Variants in BICDL2 observed in about 807,000 individuals in gnomAD.
BICDL2 encodes the protein BICD family like cargo adaptor 2.
A neutral mutation model predicts 56.6 loss-of-function variants in BICDL2; 62 were observed. The observed-to-expected ratio is 1.10, with a 90% CI of 0.89 to 1.35. The LOEUF (loss-of-function observed/expected upper bound fraction) is 1.35, where lower values mean the gene tolerates loss of function less well. Among genes scored for constraint, BICDL2 ranks in the 40% most tolerant of loss-of-function variants. The pLI is 0.00. For missense variants in BICDL2, 808 were observed against 684.5 expected, an observed-to-expected ratio of 1.18 and a Z score of -2.01; for synonymous variants, 358 against 319.8, an observed-to-expected ratio of 1.12 and a Z score of -1.27.
In BICDL2 at chr16:3,028,803, ACTGCAGCTCTGCCTG is replaced by A. The variant is rs2151139399; in HGVS notation, c.1120_1134del (p.Gln374_Gln378del). The A allele has an allele frequency of 1.3e-6, 2 of 1,554,668 alleles. No individual in the cohort carries two copies. The highest frequency in any genetic ancestry group is 4.8e-5 in the East Asian group (2 of 41,430). On this transcript the variant is annotated inframe_deletion, in exon 8 of 10. Coordinates refer to ENST00000572449, the MANE Select transcript of BICDL2 (RefSeq NM_001369667.1). ...TGCCTCTGCAGCTCTTCCCGCAGGGACTGCAGCTCTGCCTGCTGCAGCGAGATCTGTGAGCAGAGG... is the reference window on the plus strand; with the variant it reads ...TGCCTCTGCAGCTCTTCCCGCAGGGACTGCAGCGAGATCTGTGAGCAGAGG...
Position 3,029,276 on chromosome 16 carries a change from C to T in BICDL2, c.1107+4G>A. On this transcript the variant is annotated splice_donor_region_variant and intron_variant, in intron 7 of 9. Transcript: ENST00000572449. ...TGCATCCAGCACCGTGCCCTCTGCC[C>T]CACCTCATCTTGCAGCTTGGCCACT... 2 of 1,610,020 alleles carry T rather than the reference C, an allele frequency of 1.2e-6. No individual in the cohort carries two copies. The highest frequency in any genetic ancestry group is 1.7e-6 in the Non-Finnish European group (2 of 1,178,808).
chr16:3,028,708 G>A lies in BICDL2; in HGVS notation c.1230C>T (p.Ala410=). 6.4e-7 allele frequency: 1 copy of A among 1,569,410 alleles called. No homozygotes were observed. ...AATGGCTTGAGGCTTACTTGTTCACGGCCTCGTCCCGGTCTGAGAGGGCAC... is the reference window on the plus strand; with the variant it reads ...AATGGCTTGAGGCTTACTTGTTCACAGCCTCGTCCCGGTCTGAGAGGGCAC... ...LHSALSDRDE[A]VNKALELSLQ... is the part of the protein sequence containing the mutation. Residue 410 remains alanine, a synonymous_variant, in exon 8 of 10, where the codon GCC becomes GCT. Coordinates refer to ENST00000572449, the MANE Select transcript of BICDL2 (RefSeq NM_001369667.1).
chr16:3,028,693 G>C lies in BICDL2; in HGVS notation c.1238+7C>G, dbSNP rs1485859465. 58 of 1,570,280 alleles carry C rather than the reference G, an allele frequency of 3.7e-5. No homozygotes were observed. The highest frequency in any genetic ancestry group is 4.8e-5 in the Non-Finnish European group (56 of 1,157,730). On this transcript the variant is annotated splice_region_variant and intron_variant, in intron 8 of 9. Transcript: ENST00000572449. ...GCTGGGGCGGTGGTCAATGGCTTGA[G>C]GCTTACTTGTTCACGGCCTCGTCCC... is the stretch of plus-strand genomic sequence containing the variant.
rs780251208 is a variant in BICDL2, at chr16:3,028,432, C to T, written c.1275G>A (p.Ser425=). ...CCCGAGACAGGGAGTCTCGCTCCAG[C>T]GAGACGCGGTTGAGCTGCAGGGACA... is the stretch of plus-strand genomic sequence containing the variant. ...LELSLQLNRV[S]LERDSLSREL... The change falls in exon 9 of 10, where the codon TCG becomes TCA. Residue 425 remains serine (S), a synonymous_variant. Coordinates refer to ENST00000572449, the MANE Select transcript of BICDL2 (RefSeq NM_001369667.1). The T allele has an allele frequency of 1.9e-6, 3 of 1,562,178 alleles. No homozygotes were observed. Among genetic ancestry groups the T allele is most frequent in the South Asian group, 2.3e-5 (2 of 86,710 alleles).
rs748285436 is a variant in BICDL2, at chr16:3,029,597, C to A, written c.905G>T (p.Ser302Ile). The A allele has an allele frequency of 2.6e-6, 4 of 1,543,334 alleles. No homozygotes were observed. The highest frequency in any genetic ancestry group is 1.4e-5 in the African/African-American group (1 of 73,226). The change falls in exon 6 of 10, where the codon AGC (serine) becomes ATC (isoleucine). Residue 302 changes from serine to isoleucine, a missense_variant. Transcript: ENST00000572449. ...CTGGCCCTGGTCGCCGTCGTCGAGG[C>A]TGTGGGCCAGTTCTGACTGCAACGA... ...AASLQSELAH[S>I]LDDGDQGQGA...
At position 3,028,211 on chromosome 16, in the gene BICDL2, G is replaced by A. The variant is rs764878871; in HGVS notation, c.1422C>T (p.Ala474=). Residue 474 remains alanine, a synonymous_variant, in exon 10 of 10, where the codon GCC becomes GCT. Transcript: ENST00000572449. The part of the protein sequence containing the change: ...LRSQRQKELS[A]SASSSTPRRA... ...GGCGCGGGGTCGACGACGACGCGGAGGCGCTCAGCTCCTTCTGGCGCTGTG... is the reference window on the plus strand; with the variant it reads ...GGCGCGGGGTCGACGACGACGCGGAAGCGCTCAGCTCCTTCTGGCGCTGTG... 5.4e-5 allele frequency: 79 copies of A among 1,470,738 alleles called. No individual in the cohort carries two copies. Among genetic ancestry groups the A allele is most frequent in the Admixed American group, 8.3e-5 (3 of 36,354 alleles). The allele number at this position is 1,470,738 out of a possible 1,614,324, so 91.1% of individuals were successfully genotyped here.
In BICDL2 at chr16:3,027,730, A is replaced by G. The variant is rs1303074029; in HGVS notation, c.*376T>C. On this transcript the variant is annotated 3_prime_UTR_variant, in exon 10 of 10. Coordinates refer to ENST00000572449, the MANE Select transcript of BICDL2 (RefSeq NM_001369667.1). ...TTTTCTTTTTTTTTTTTTTTTTACAATAAAGTTTCAGGCTTTTTTACCATG... is the reference window on the plus strand; with the variant it reads ...TTTTCTTTTTTTTTTTTTTTTTACAGTAAAGTTTCAGGCTTTTTTACCATG... 71 of 1,430,478 alleles carry G rather than the reference A, an allele frequency of 5.0e-5. No homozygotes were observed. Among genetic ancestry groups the G allele is most frequent in the Admixed American group, 4.5e-4 (20 of 44,036 alleles). 88.6% of individuals were successfully genotyped at this position (1,430,478 alleles called of 1,614,324 possible). A position where few individuals can be genotyped will look rare whatever the true frequency, so the allele number is the denominator to read the frequency against.
At chr16:3,030,138 A>C (rs1955630852) in intron 5 of BICDL2, 2 of 472,816 alleles carry the variant, frequency 4.2e-6, no homozygotes, top group Non-Finnish European at 7.5e-6. Flanking sequence ...CAGACACCGC[A>C]TCCTCTTTTC....
chr16:3,029,660 TC>T lies in BICDL2; in HGVS notation c.841del (p.Glu281ArgfsTer61), dbSNP rs1330580380. 32 of 1,536,444 alleles carry T rather than the reference TC, an allele frequency of 2.1e-5. No homozygotes were observed. Among genetic ancestry groups the T allele is most frequent in the Non-Finnish European group, 2.8e-5 (32 of 1,146,520 alleles). ...RLQRRVSELE[E>X]ESRLQDADVS... ...GTCGGCGTCCTGGAGGCGTGACTCC[TC>T]CTCCAGCTCGGAGACGCGCCGCTGC... On this transcript the variant is annotated frameshift_variant, in exon 6 of 10. Coordinates refer to ENST00000572449, the MANE Select transcript of BICDL2 (RefSeq NM_001369667.1). LOFTEE classifies it high-confidence loss of function.
intron 2 of BICDL2, among the ~76,000 whole-genome samples, chr16:3,033,494 A>G (rs543211915): frequency 6.6e-6 from 1 of 152,050 alleles, no homozygotes; most frequent in African/African-American, 2.4e-5. Flanking sequence ...CACTCAAGAA[A>G]GGTTGGCTGA....
At chr16:3,032,214 A>C (rs187616557) in intron 2 of BICDL2, 86 of 152,418 alleles carry the variant, frequency 5.6e-4, no homozygotes, top group African/African-American at 1.9e-3. Context: ...GATTACAGGC[A>C]TGAGACACCG....
At chr16:3,032,124 G>A (rs1001188656) in intron 2 of BICDL2, 1 of 152,178 alleles carries the variant, frequency 6.6e-6, no homozygotes, top group Non-Finnish European at 1.5e-5. Flanking sequence ...AGGAGAGACG[G>A]GGTTTCACCA....
At chr16:3,035,948 C>G in intron 1 of BICDL2, 1 of 300,108 alleles carries the variant, frequency 3.3e-6, no homozygotes, top group Non-Finnish European at 6.5e-6. Flanking sequence ...CTCAGGAATG[C>G]AGGACCCTAA....
In BICDL2 at chr16:3,028,353, A is replaced by G. The variant is rs772722267; in HGVS notation, c.1354T>C (p.Trp452Arg). The G allele has an allele frequency of 1.3e-6, 2 of 1,546,758 alleles. No individual in the cohort carries two copies. The highest frequency in any genetic ancestry group is 1.4e-5 in the African/African-American group (1 of 73,360). The change falls in exon 9 of 10, where the codon TGG becomes CGG. Residue 452 changes from tryptophan to arginine, a missense_variant. Trp to Arg is a moderately radical substitution (Grantham distance 101, BLOSUM62 -3). Coordinates refer to ENST00000572449, the MANE Select transcript of BICDL2 (RefSeq NM_001369667.1). ...KVALTQELEAWQDDMQVVIGQ... is the reference protein window; with the variant it reads ...KVALTQELEARQDDMQVVIGQ... ...ACACGGGCCCCGCCCCTCACCTGCC[A>G]GGCCTCCAGCTCCTGCGTGAGCGCC...
At chr16:3,029,189 G>T in intron 7 of BICDL2, 91 bp downstream of exon 7, 2 of 1,490,694 alleles carry the variant, frequency 1.3e-6, no homozygotes, top group African/African-American at 1.4e-5. Context: ...GGTATAGGGA[G>T]CTTAGTGGGC....
At chr16:3,030,387 G>A (rs1417172591) in intron 5 of BICDL2, 62 bp downstream of exon 5, 6 of 1,557,200 alleles carry the variant, frequency 3.9e-6, no homozygotes, top group Non-Finnish European at 5.2e-6. Context: ...TCATCTCCCA[G>A]AAAGCCCTGA....
chr16:3,035,188 C>CCCCCCCCCCCCCCCCCCCCCCCCCCCCCT, intron 2 of BICDL2, 27 bp downstream of exon 2: 1 of 239,216 alleles, frequency 4.2e-6, no homozygotes, highest in Non-Finnish European at 8.8e-6. Context: ...CCCACCCACC[C>CCCCCCCCCCCCCCCCCCCCCCCCCCCCCT]ACCCACCCCG....
intron 2 of BICDL2, chr16:3,031,400 G>T: frequency 3.5e-6 from 2 of 566,422 alleles, no homozygotes; most frequent in South Asian, 4.7e-5. Flanking sequence ...GATCTCTGAT[G>T]ACCACTCACC....
rs1173184753 is a variant in BICDL2 at position 3,028,097 on chromosome 16, G to A, written c.*9C>T. On this transcript the variant is annotated 3_prime_UTR_variant, in exon 10 of 10. Coordinates refer to ENST00000572449, the MANE Select transcript of BICDL2 (RefSeq NM_001369667.1). ...TAAGTGGGCAAGGGCAGCCCTCTGG[G>A]CCCAGCCGTCAGGTCCTTCGGAAGA... is the stretch of plus-strand genomic sequence containing the variant. 2 of 1,417,938 alleles carry A rather than the reference G, an allele frequency of 1.4e-6. No homozygotes were observed. Among genetic ancestry groups the A allele is most frequent in the East Asian group, 2.9e-5 (1 of 34,398 alleles). 87.8% of individuals were successfully genotyped at this position (1,417,938 alleles called of 1,614,324 possible). A position where few individuals can be genotyped will look rare whatever the true frequency, so the allele number is the denominator to read the frequency against.
Sources: allele counts gnomAD v4.1 joint callset (sites outside exome capture counted in the v4.1 genomes callset), GRCh38; gene constraint gnomAD v4.1.1; transcripts MANE v1.5; gene names NCBI Gene and HGNC (gene_info 2026-07-23, HGNC 2026-07-21).